The following ACBD6 variants were observed in gnomAD, a reference collection of about 807,000 sequenced individuals.
ACBD6 encodes the protein acyl-CoA-binding domain-containing protein 6.
In ACBD6, 28 loss-of-function variants were observed where a neutral mutation model predicts 37.2. That is an observed-to-expected ratio of 0.75 (90% CI 0.56 to 1.03). ACBD6 has a LOEUF of 1.03. ACBD6 is among the 50% of genes least tolerant of loss of function. The pLI, the probability that ACBD6 is intolerant of heterozygous loss-of-function variation, is 0.00. For synonymous variants in ACBD6, 113 were observed against 126.8 expected (o/e 0.89, Z 0.73); for missense variants, 340 against 337.4 (o/e 1.01, Z -0.06).
intron 3 of ACBD6, among the ~76,000 whole-genome samples, chr1:180,482,492 T>C (rs892663304): frequency 1.3e-5 from 2 of 151,160 alleles, no homozygotes; most frequent in Non-Finnish European, 2.9e-5. Context: ...TATAAAAGTT[T>C]TAAAGATCTA....
chr1:180,313,866 T>C (rs1186322974), intron 7 of ACBD6, among the ~76,000 whole-genome samples: 1 of 152,176 alleles, frequency 6.6e-6, no homozygotes, highest in Non-Finnish European at 1.5e-5. Context: ...ACTAGGACTT[T>C]ACATTTTACA....
intron 6 of ACBD6, among the ~76,000 whole-genome samples, chr1:180,389,208 G>A (rs1055015353): frequency 1.3e-5 from 2 of 152,082 alleles, no homozygotes; most frequent in African/African-American, 2.4e-5. Flanking sequence ...GTGTCCATGC[G>A]TTCTCATTGT....
At chr1:180,431,956 T>C (rs1449283743) in intron 3 of ACBD6, among the ~76,000 whole-genome samples, 1 of 152,070 alleles carries the variant, frequency 6.6e-6, no homozygotes, top group Non-Finnish European at 1.5e-5. Context: ...CTATAATCCC[T>C]GCACTTTGGG....
intron 11 of ACBD6, chr1:180,273,929 G>A (rs550694529): frequency 3.0e-5 from 16 of 534,326 alleles, no homozygotes; most frequent in East Asian, 1.7e-4. Context: ...AGGGACCAAC[G>A]AGCTCACCAA....
intron 6 of ACBD6, among the ~76,000 whole-genome samples, chr1:180,359,676 C>T (rs1192992821): frequency 6.9e-6 from 1 of 144,888 alleles, no homozygotes; most frequent in East Asian, 2.0e-4. Flanking sequence ...CTGGTTGCTG[C>T]ACTACCTTCT....
intron 5 of ACBD6, among the ~76,000 whole-genome samples, chr1:180,399,628 C>T (rs369587088): frequency 3.3e-5 from 5 of 152,142 alleles, no homozygotes; most frequent in African/African-American, 1.2e-4. Flanking sequence ...TTGTTGAGTT[C>T]TAGAGCAGTT....
At chr1:180,468,744 G>C (rs561419037) in intron 3 of ACBD6, among the ~76,000 whole-genome samples, 1 of 152,114 alleles carries the variant, frequency 6.6e-6, no homozygotes, top group South Asian at 2.1e-4. Flanking sequence ...AGATATTTAA[G>C]GCTATCAGTT....
rs556900179 is a variant in ACBD6, at chr1:180,364,055, A to T, written c.663+33461T>A. 1.1e-4 allele frequency among the ~76,000 whole-genome samples: 17 copies of T among 152,254 alleles called. No individual in the cohort carries two copies. The South Asian group carries it at 2.9e-3, about 26-fold the overall frequency. Reference sequence around the variant, plus strand: ...TTTCCTGCTTTTTCTTTACCTTTTTAAAAAAAGGGATGGCAAATATTTAAA... The same window carrying T: ...TTTCCTGCTTTTTCTTTACCTTTTTTAAAAAAGGGATGGCAAATATTTAAA... On this transcript the variant is annotated intron_variant, in intron 6 of 7. Transcript: ENST00000367595.
At chr1:180,284,318 C>A (rs527512347), downstream of ACBD6, among the ~76,000 whole-genome samples, 1 of 151,358 alleles carries the variant, frequency 6.6e-6, no homozygotes, top group African/African-American at 2.4e-5. Context: ...CAATAATAAT[C>A]GTAACAACTT....
At chr1:180,341,616 A>G (rs1452101571) in intron 6 of ACBD6, among the ~76,000 whole-genome samples, 3 of 152,090 alleles carry the variant, frequency 2.0e-5, no homozygotes, top group Non-Finnish European at 4.4e-5. Context: ...AAATTCATGA[A>G]AGCGTTGTCT....
chr1:180,326,860 G>A (rs551562218), intron 6 of ACBD6, among the ~76,000 whole-genome samples: 11 of 152,222 alleles, frequency 7.2e-5, no homozygotes, highest in South Asian at 2.1e-4. Context: ...GAGGTAGGCC[G>A]TGGAATGGGG....
At chr1:180,432,640 T>G (rs1040686711) in intron 3 of ACBD6, among the ~76,000 whole-genome samples, 8 of 152,080 alleles carry the variant, frequency 5.3e-5, no homozygotes, top group Non-Finnish European at 8.8e-5. Flanking sequence ...AATAGGATAT[T>G]ATTCAGCAAC....
intron 7 of ACBD6, among the ~76,000 whole-genome samples, chr1:180,292,955 T>C (rs1412995098): frequency 6.6e-6 from 1 of 152,248 alleles, no homozygotes; most frequent in Non-Finnish European, 1.5e-5. Flanking sequence ...AAGTTGAATT[T>C]TGTCAGCCTT....
intron 3 of ACBD6, among the ~76,000 whole-genome samples, chr1:180,467,259 T>C (rs948586811): frequency 6.6e-6 from 1 of 151,854 alleles, no homozygotes; most frequent in African/African-American, 2.4e-5. Flanking sequence ...GCAAATTCTT[T>C]TTCCATCGTT....
At chr1:180,416,442 C>G (rs1648098593) in intron 4 of ACBD6, among the ~76,000 whole-genome samples, 1 of 152,158 alleles carries the variant, frequency 6.6e-6, no homozygotes, top group South Asian at 2.1e-4. Context: ...AAATGTGTCT[C>G]TCCATATCTT....
intron 9 of ACBD6, chr1:180,279,086 A>G (rs572179353): frequency 1.3e-5 from 2 of 152,308 alleles, no homozygotes; most frequent in African/African-American, 2.4e-5. Context: ...TTTTATCATC[A>G]GAAGGAAACC....
intron 6 of ACBD6, among the ~76,000 whole-genome samples, chr1:180,363,862 G>A (rs1224713182): frequency 6.8e-6 from 1 of 146,312 alleles, no homozygotes; most frequent in African/African-American, 2.8e-5. Context: ...CCACAAAATG[G>A]AGAAACCCTC....
At chr1:180,297,041 C>T (rs1470609890) in intron 7 of ACBD6, among the ~76,000 whole-genome samples, 1 of 152,038 alleles carries the variant, frequency 6.6e-6, no homozygotes, top group Admixed American at 6.6e-5. Flanking sequence ...TTGCAGTTTT[C>T]TACATCTTAA....
At chr1:180,271,554 G>A (rs774427400) in exon 14 of ACBD6, 18 of 1,613,758 alleles carry the variant, frequency 1.1e-5, no homozygotes, top group Non-Finnish European at 1.4e-5. Context: ...CAGCACTCCT[G>A]TGCCCTCCGG....
Sources: gnomAD v4.1 joint callset for allele counts (sites outside exome capture counted in the v4.1 genomes callset) on GRCh38, gnomAD v4.1.1 for gene constraint, MANE v1.5 for transcripts, NCBI Gene and HGNC (gene_info 2026-07-23, HGNC 2026-07-21) for gene names.